ZNF211: variants seen among roughly 807,000 people sequenced by gnomAD.
The protein encoded by ZNF211 is zinc finger protein 211, also known as zinc finger protein C2H2-25.
Under a neutral mutation model 12.1 loss-of-function variants are expected in ZNF211, and 18 were observed. That is an observed-to-expected ratio of 1.48 (90% CI 1.03 to 2.20). ZNF211 has a LOEUF of 2.20. ZNF211 is among the 30% of genes most tolerant of loss of function. The probability of loss-of-function intolerance (pLI) is 0.00; values close to 1 mark genes in which losing one functional copy is unlikely to be tolerated. For synonymous variants in ZNF211, 249 were observed against 246.0 expected (o/e 1.01, Z -0.11); for missense variants, 677 against 703.1 (o/e 0.96, Z 0.42).
chr19:57,638,193 C>T (rs1010125230), intron 3 of ZNF211, among the ~76,000 whole-genome samples: 6 of 152,096 alleles, frequency 3.9e-5, no homozygotes, highest in African/African-American at 1.4e-4. Context: ...GCCACTGCAC[C>T]CGGCCAGGTT....
chr19:57,635,304 G>A (rs1003798614), intron 3 of ZNF211, among the ~76,000 whole-genome samples: 6 of 152,122 alleles, frequency 3.9e-5, no homozygotes, highest in Admixed American at 2.0e-4. Context: ...ATAGTTCAGC[G>A]CATTTAGTAC....
intron 1 of ZNF211, 30 bp downstream of exon 1, chr19:57,633,466 G>A (rs771800398): frequency 1.0e-5 from 16 of 1,569,126 alleles, no homozygotes; most frequent in Non-Finnish European, 1.3e-5. Flanking sequence ...GGCCTCCCCC[G>A]GCCGAGATTC....
Position 57,634,715 on chromosome 19 carries a change from C to A in ZNF211, c.216C>A (p.Phe72Leu), listed in dbSNP as rs777180422. 3 of 1,606,380 alleles carry A rather than the reference C, an allele frequency of 1.9e-6. No individual in the cohort carries two copies. The highest frequency in any genetic ancestry group is 8.5e-7 in the Non-Finnish European group (1 of 1,175,724). The change falls in exon 3 of 4, where the codon TTC (phenylalanine) becomes TTA (leucine). Residue 72 changes from phenylalanine to leucine, a missense_variant. By Grantham distance (22) the Phe-to-Leu change is conservative. Transcript: ENST00000240731. ...LLDEAQKHLY[F>L]DVMLENFALT... Reference sequence around the variant, plus strand: ...ATGAGGCTCAGAAACACCTGTACTTCGATGTGATGCTGGAGAACTTTGCAC... The same window carrying A: ...ATGAGGCTCAGAAACACCTGTACTTAGATGTGATGCTGGAGAACTTTGCAC...
chr19:57,643,087 A>T lies in ZNF211; in HGVS notation c.*906A>T, dbSNP rs975579584. 4.6e-5 allele frequency among the ~76,000 whole-genome samples: 7 copies of T among 152,076 alleles called. No individual in the cohort carries two copies. Among genetic ancestry groups the T allele is most frequent in the Non-Finnish European group, 7.3e-5 (5 of 68,030 alleles). Reference sequence around the variant, plus strand: ...AAATTCCATTGCTTCTGGGAACAAGATGAATTTTGTTGTTATTCACAAGGG... The same window carrying T: ...AAATTCCATTGCTTCTGGGAACAAGTTGAATTTTGTTGTTATTCACAAGGG... On this transcript the variant is annotated 3_prime_UTR_variant, in exon 4 of 4. Coordinates refer to ENST00000240731, the MANE Select transcript of ZNF211 (RefSeq NM_006385.5).
chr19:57,641,396 C>T lies in ZNF211; in HGVS notation c.949C>T (p.Gln317Ter). ...FTYYSSFIIHQRVHTGERPYA... is the reference protein window; with the variant it reads ...FTYYSSFIIH ...CTACTACTCCAGTTTCATTATACAT[C>T]AGAGAGTTCATACTGGAGAAAGGCC... The change falls in exon 4 of 4, where the codon CAG becomes TAG. Residue 317 changes from glutamine (Q) to a stop codon, truncating the protein, a stop_gained. Transcript: ENST00000240731. LOFTEE classifies it low-confidence loss of function (END_TRUNC). 6.2e-7 allele frequency: 1 copy of T among 1,611,548 alleles called. No individual in the cohort carries two copies. The highest frequency in any genetic ancestry group is 2.2e-5 in the East Asian group (1 of 44,752).
rs149612670 is a variant in ZNF211, at chr19:57,641,325, G to A, written c.878G>A (p.Ser293Asn). The A allele has an allele frequency of 3.2e-5, 51 of 1,614,200 alleles. No homozygotes were observed. The East Asian group carries it at 1.1e-3, about 36-fold the overall frequency. The change falls in exon 4 of 4, where the codon AGT becomes AAT. Residue 293 changes from serine to asparagine, a missense_variant. Transcript: ENST00000240731. ...CNLIQHQKVH[S>N]EERPYECNEC... The stretch of plus-strand genomic sequence containing the variant: ...CTCATTCAGCACCAGAAAGTCCACA[G>A]TGAAGAAAGGCCTTATGAATGCAAT...
At chr19:57,633,844 T>C (rs554598068) in intron 1 of ZNF211, 179 bp from the exon 2 acceptor site, 11 of 1,597,294 alleles carry the variant, frequency 6.9e-6, no homozygotes, top group East Asian at 4.5e-5. Flanking sequence ...CAGAGGGAGG[T>C]TGAATATTTT....
intron 1 of ZNF211, 171 bp downstream of exon 1, chr19:57,633,607 C>G: frequency 6.5e-7 from 1 of 1,528,718 alleles, no homozygotes; most frequent in Non-Finnish European, 8.7e-7. Context: ...AGGACCGGCG[C>G]GTGCAGGGCT....
intron 3 of ZNF211, chr19:57,639,942 CTCAACTAGGGCTAGGGGAAG>C: frequency 6.5e-7 from 1 of 1,534,136 alleles, no homozygotes; most frequent in Non-Finnish European, 8.7e-7. Flanking sequence ...CATGTAGTTG[CTCAACTAGGGCTAGGGGAAG>C]TGCCCTCTGT....
rs1983193603 is a variant in ZNF211, at chr19:57,643,414, G to C, written c.*1233G>C. On this transcript the variant is annotated 3_prime_UTR_variant, in exon 4 of 4. Transcript: ENST00000240731. ...TCAAAAAATAATAAACAACCTAAAG[G>C]TTTTGTGTATTCCAATAGCCTTTCT... Among the ~76,000 whole-genome samples, 1 of 152,076 alleles carries C rather than the reference G, an allele frequency of 6.6e-6. No individual in the cohort carries two copies. Among genetic ancestry groups the C allele is most frequent in the Middle Eastern group, 3.2e-3 (1 of 316 alleles).
chr19:57,634,972 C>G, intron 3 of ZNF211: 1 of 985,228 alleles, frequency 1.0e-6, no homozygotes, highest in Non-Finnish European at 1.2e-6. Context: ...TTACAGTAAG[C>G]CTAATAGATC....
chr19:57,633,794 G>A, intron 1 of ZNF211: 1 of 1,553,810 alleles, frequency 6.4e-7, no homozygotes, highest in Non-Finnish European at 8.6e-7. Context: ...AGGCTGTTCA[G>A]TGGAAGAAAA....
rs1458913089 is a variant in ZNF211 at position 57,638,685 on chromosome 19, CTGT to C, written c.257-2010_257-2008del. On this transcript the variant is annotated intron_variant, in intron 3 of 3. Coordinates refer to ENST00000240731, the MANE Select transcript of ZNF211 (RefSeq NM_006385.5). The stretch of plus-strand genomic sequence containing the variant: ...GGTACACATGAGGGGAATGTACATT[CTGT>C]TGTTGTTGGGTAGAATGCTCTTTAT... 6.6e-5 allele frequency among the ~76,000 whole-genome samples: 10 copies of C among 152,182 alleles called. No homozygotes were observed. The South Asian group carries it at 1.9e-3, about 28-fold the overall frequency.
chr19:57,641,154 A>G lies in ZNF211; in HGVS notation c.707A>G (p.Tyr236Cys). The G allele has an allele frequency of 6.2e-7, 1 of 1,614,182 alleles. No homozygotes were observed. Among genetic ancestry groups the G allele is most frequent in the East Asian group, 2.2e-5 (1 of 44,884 alleles). Residue 236 changes from tyrosine (Y) to cysteine (C), a missense_variant, in exon 4 of 4, where the codon TAC becomes TGC. Transcript: ENST00000240731. ...NNSNKCAVAF[Y>C]SGKSHHNWGK... is the part of the protein sequence containing the mutation. ...AGTAACAAGTGTGCGGTGGCCTTTT[A>G]CAGTGGAAAAAGTCATCACAACTGG...
intron 3 of ZNF211, among the ~76,000 whole-genome samples, chr19:57,635,392 A>G (rs972088846): frequency 6.6e-6 from 1 of 152,214 alleles, no homozygotes; most frequent in African/African-American, 2.4e-5. Flanking sequence ...CTTTGTACTC[A>G]TTAAATAATA....
rs370304877 is a variant in ZNF211 at position 57,640,830 on chromosome 19, G to T, written c.383G>T (p.Cys128Phe). 12 of 1,614,126 alleles carry T rather than the reference G, an allele frequency of 7.4e-6. 1 individual carries two copies. The African/African-American group carries it at 1.1e-4, about 14-fold the overall frequency. Residue 128 changes from cysteine to phenylalanine, a missense_variant, in exon 4 of 4, where the codon TGT becomes TTT. By Grantham distance (205) the Cys-to-Phe change is radical. Coordinates refer to ENST00000240731, the MANE Select transcript of ZNF211 (RefSeq NM_006385.5). Reference protein sequence around the residue: ...SSQNADSCEICCLVLRDILHL... With the variant: ...SSQNADSCEIFCLVLRDILHL... ...CAGAATGCCGACTCCTGTGAAATAT[G>T]TTGCCTGGTCTTGAGAGATATTTTG...
intron 3 of ZNF211, among the ~76,000 whole-genome samples, chr19:57,638,280 C>G (rs1192320324): frequency 1.3e-5 from 2 of 151,788 alleles, no homozygotes; most frequent in East Asian, 1.9e-4. Flanking sequence ...TTTCTCTTCT[C>G]TATTTTATTT....
At chr19:57,635,933 G>T (rs1434406826) in intron 3 of ZNF211, among the ~76,000 whole-genome samples, 1 of 152,090 alleles carries the variant, frequency 6.6e-6, no homozygotes, top group Non-Finnish European at 1.5e-5. Flanking sequence ...ATCCAAATTG[G>T]TGTGAGGTGA....
Position 57,642,457 on chromosome 19 carries a change from T to C in ZNF211, c.*276T>C. 1 of 372,488 alleles carries C rather than the reference T, an allele frequency of 2.7e-6. No homozygotes were observed. The highest frequency in any genetic ancestry group is 4.9e-6 in the Non-Finnish European group (1 of 205,344). The allele number at this position is 372,488 out of a possible 1,614,324, so 23.1% of individuals were successfully genotyped here. ...TACCACCTGTGAGGTCCACACAGTG[T>C]GTATCATTTACCTCCTGAACCTGCT... On this transcript the variant is annotated 3_prime_UTR_variant, in exon 4 of 4. Coordinates refer to ENST00000240731, the MANE Select transcript of ZNF211 (RefSeq NM_006385.5).
Sources: gnomAD v4.1 joint callset for allele counts (sites outside exome capture counted in the v4.1 genomes callset) on GRCh38, gnomAD v4.1.1 for gene constraint, MANE v1.5 for transcripts, NCBI Gene and HGNC (gene_info 2026-07-23, HGNC 2026-07-21) for gene names.